ANKRD44: variants seen among roughly 807,000 people sequenced by gnomAD.
ANKRD44 encodes ankyrin repeat domain 44.
In ANKRD44, 35 loss-of-function variants were observed where a neutral mutation model predicts 116.0. That is an observed-to-expected ratio of 0.30 (90% CI 0.23 to 0.40). The LOEUF (loss-of-function observed/expected upper bound fraction) is 0.40, where lower values mean the gene tolerates loss of function less well. Among genes scored for constraint, ANKRD44 ranks in the 10% least tolerant of loss-of-function variants. The probability of loss-of-function intolerance (pLI) is 1.00; values close to 1 mark genes in which losing one functional copy is unlikely to be tolerated. For synonymous variants in ANKRD44, 435 were observed against 461.8 expected (o/e 0.94, Z 0.74); for missense variants, 1,014 against 1,242.6 (o/e 0.82, Z 2.77).
Position 197,212,859 on chromosome 2 carries a change from C to T in ANKRD44, c.28-25753G>A, listed in dbSNP as rs192055722. Among the ~76,000 whole-genome samples the T allele has an allele frequency of 6.6e-5, 10 of 152,316 alleles. No individual in the cohort carries two copies. The highest frequency in any genetic ancestry group is 1.9e-4 in the African/African-American group (8 of 41,558). On this transcript the variant is annotated intron_variant, in intron 1 of 27. Transcript: ENST00000282272. The surrounding 1 kb of genome is among the most constrained non-coding windows in gnomAD (Gnocchi z 4.8). ...ACGGTGAGAGAGAAAAAAGGAAACA[C>T]GACCCCACAGCTTCCTCTGCATCTC...
chr2:197,230,038 A>C lies in ANKRD44; in HGVS notation c.28-42932T>G, dbSNP rs937397623. ...AAAATAAACAGAACTTGCATTTCAC[A>C]AGCAAAGACGGAATGATGGTTGTCT... On this transcript the variant is annotated intron_variant, in intron 1 of 27. Transcript: ENST00000282272. Among the ~76,000 whole-genome samples the C allele has an allele frequency of 3.9e-5, 6 of 152,182 alleles. No individual in the cohort carries two copies. In the South Asian group the frequency reaches 8.3e-4, roughly 21 times the overall value.
At chr2:197,003,477 A>G (rs1327686572) in intron 21 of ANKRD44, among the ~76,000 whole-genome samples, 5 of 152,154 alleles carry the variant, frequency 3.3e-5, no homozygotes, top group Non-Finnish European at 7.4e-5. Context: ...ATGAATCCCA[A>G]TTTAAGAGTC....
At chr2:197,236,479 A>G (rs2081980941) in intron 1 of ANKRD44, among the ~76,000 whole-genome samples, 1 of 152,150 alleles carries the variant, frequency 6.6e-6, no homozygotes, top group South Asian at 2.1e-4. Context: ...GTAGGCCAAT[A>G]AAAAAGAGGG....
chr2:197,073,166 G>A (rs1316969805), intron 16 of ANKRD44, among the ~76,000 whole-genome samples: 1 of 152,126 alleles, frequency 6.6e-6, no homozygotes, highest in Non-Finnish European at 1.5e-5. Context: ...GACACATTAG[G>A]AGCAGGGACA....
chr2:197,033,668 T>TC (rs2076751098), intron 16 of ANKRD44, among the ~76,000 whole-genome samples: 1 of 149,966 alleles, frequency 6.7e-6, no homozygotes, highest in African/African-American at 2.4e-5. Flanking sequence ...TGTTGTTGCT[T>TC]TTTTTTTTTT....
At position 197,235,333 on chromosome 2, in the gene ANKRD44, C is replaced by A. The variant is rs151072231; in HGVS notation, c.28-48227G>T. On this transcript the variant is annotated intron_variant, in intron 1 of 27. Transcript: ENST00000282272. Reference sequence around the variant, plus strand: ...GAGGGGCTCAAAAGTAGTGTAAGATCCAGCCAGGCACGGTGGCTCACGCCT... The same window carrying A: ...GAGGGGCTCAAAAGTAGTGTAAGATACAGCCAGGCACGGTGGCTCACGCCT... Among the ~76,000 whole-genome samples, 891 of 152,098 alleles carry A rather than the reference C, an allele frequency of 5.9e-3. 8 individuals are homozygous for A. The highest frequency in any genetic ancestry group is 0.02 in the African/African-American group (834 of 41,516).
At chr2:197,276,666 T>A (rs2083094724) in intron 1 of ANKRD44, among the ~76,000 whole-genome samples, 1 of 152,206 alleles carries the variant, frequency 6.6e-6, no homozygotes, top group Admixed American at 6.5e-5. Flanking sequence ...ATAATTAGAG[T>A]ATTACATTGA....
At chr2:197,031,004 G>GT (rs1375919777) in intron 16 of ANKRD44, among the ~76,000 whole-genome samples, 2 of 152,046 alleles carry the variant, frequency 1.3e-5, no homozygotes, top group Non-Finnish European at 2.9e-5. Flanking sequence ...TTGTATAGAT[G>GT]TTTTCCTAAT....
chr2:197,069,479 T>G (rs921996186), intron 16 of ANKRD44, among the ~76,000 whole-genome samples: 5 of 152,156 alleles, frequency 3.3e-5, no homozygotes, highest in Non-Finnish European at 7.4e-5. Context: ...TTTGCTGAAT[T>G]GCTTTTCCAC....
chr2:197,015,525 AG>A, intron 17 of ANKRD44: 1 of 478,588 alleles, frequency 2.1e-6, no homozygotes, highest in South Asian at 2.5e-5. Context: ...GATTGCAGAG[AG>A]GTCGTGGAGG....
At chr2:197,077,327 G>A (rs1403486360) in intron 16 of ANKRD44, among the ~76,000 whole-genome samples, 2 of 151,984 alleles carry the variant, frequency 1.3e-5, no homozygotes, top group Non-Finnish European at 2.9e-5. Context: ...CTTAACACTT[G>A]TATCAAAGAC....
At chr2:196,978,868 G>C (rs1574211364) in intron 21 of ANKRD44, among the ~76,000 whole-genome samples, 2 of 143,452 alleles carry the variant, frequency 1.4e-5, no homozygotes. Flanking sequence ...AATATTTACA[G>C]ACCCTGAAGA....
intron 1 of ANKRD44, among the ~76,000 whole-genome samples, chr2:197,264,076 G>A (rs1327118872): frequency 6.6e-6 from 1 of 152,104 alleles, no homozygotes; most frequent in African/African-American, 2.4e-5. Context: ...GCAACATAGT[G>A]AGATCATGTT....
intron 1 of ANKRD44, among the ~76,000 whole-genome samples, chr2:197,303,524 T>C (rs183316841): frequency 9.6e-4 from 147 of 152,354 alleles, no homozygotes; most frequent in Non-Finnish European, 1.7e-3. Flanking sequence ...TTAATTTCCA[T>C]GTCTAGGCTC....
chr2:197,258,102 T>C (rs923701016), intron 1 of ANKRD44, among the ~76,000 whole-genome samples: 3 of 151,830 alleles, frequency 2.0e-5, no homozygotes, highest in African/African-American at 4.8e-5. Context: ...TTTATTTATT[T>C]ATTCATTTAT....
chr2:197,004,242 T>G (rs112745859), intron 21 of ANKRD44, among the ~76,000 whole-genome samples: 5,413 of 152,254 alleles, frequency 0.036, 122 homozygotes, highest in South Asian at 0.059. Flanking sequence ...GCCATTGTAG[T>G]TATTCAATAC....
intron 3 of ANKRD44, among the ~76,000 whole-genome samples, chr2:197,143,291 C>T (rs962144012): frequency 1.3e-4 from 19 of 150,252 alleles, no homozygotes; most frequent in African/African-American, 4.4e-4. Context: ...TGCTGGTGTG[C>T]GACACCCATT....
chr2:197,118,779 T>C lies in ANKRD44; in HGVS notation c.906+2553A>G, dbSNP rs868182396. Among the ~76,000 whole-genome samples, 6 of 152,350 alleles carry C rather than the reference T, an allele frequency of 3.9e-5. No individual in the cohort carries two copies. The South Asian group carries it at 6.2e-4, about 16-fold the overall frequency. The stretch of plus-strand genomic sequence containing the variant: ...TCTGTTTTTGCATCATCTACACACA[T>C]AACCATAACATTTTAGCATTAAAAA... On this transcript the variant is annotated intron_variant, in intron 8 of 27. Transcript: ENST00000282272.
chr2:197,243,937 G>A (rs777157880), intron 1 of ANKRD44, among the ~76,000 whole-genome samples: 4 of 152,146 alleles, frequency 2.6e-5, no homozygotes, highest in Non-Finnish European at 5.9e-5. Flanking sequence ...ACATATGTGT[G>A]GGCTCCAATC....
Sources: allele counts gnomAD v4.1 joint callset (sites outside exome capture counted in the v4.1 genomes callset), GRCh38; gene constraint gnomAD v4.1.1; non-coding constraint Gnocchi (gnomAD v3.1); transcripts MANE v1.5; gene names NCBI Gene and HGNC (gene_info 2026-07-23, HGNC 2026-07-21).